FAM107B: variants seen among roughly 807,000 people sequenced by gnomAD.
FAM107B encodes protein FAM107B.
FAM107B carries 21 observed loss-of-function variants against 31.5 expected under a neutral mutation model. The observed-to-expected ratio is 0.67, with a 90% CI of 0.47 to 0.96. The LOEUF is 0.96. Among genes scored for constraint, FAM107B ranks in the 40% least tolerant of loss-of-function variants. The probability of loss-of-function intolerance (pLI) is 0.00; values close to 1 mark genes in which losing one functional copy is unlikely to be tolerated. For missense variants in FAM107B, 452 were observed against 377.1 expected, an observed-to-expected ratio of 1.20 and a Z score of -1.64; for synonymous variants, 157 against 141.5, an observed-to-expected ratio of 1.11 and a Z score of -0.78.
chr10:14,676,957 T>C (rs114006710), intron 1 of FAM107B, among the ~76,000 whole-genome samples: 1 of 151,694 alleles, frequency 6.6e-6, no homozygotes, highest in Admixed American at 6.6e-5. Context: ...AAGCAGAGAG[T>C]CCTGGTCCCC....
At chr10:14,614,791 G>A (rs1265772775) in intron 2 of FAM107B, among the ~76,000 whole-genome samples, 1 of 152,058 alleles carries the variant, frequency 6.6e-6, no homozygotes. Context: ...TTTCAAGCAG[G>A]AGAGGATGTG....
At chr10:14,620,165 C>T (rs1023586539) in intron 2 of FAM107B, among the ~76,000 whole-genome samples, 17 of 151,936 alleles carry the variant, frequency 1.1e-4, no homozygotes, top group Admixed American at 6.6e-5. Flanking sequence ...ACTACAGGCG[C>T]GTGCCACCAT....
At chr10:14,680,828 G>A (rs1854816332) in intron 1 of FAM107B, among the ~76,000 whole-genome samples, 1 of 152,114 alleles carries the variant, frequency 6.6e-6, no homozygotes, top group Non-Finnish European at 1.5e-5. Context: ...GACTTCATTG[G>A]AGCCCAGTGT....
intron 2 of FAM107B, among the ~76,000 whole-genome samples, chr10:14,580,372 A>C (rs1332675080): frequency 6.7e-6 from 1 of 150,186 alleles, no homozygotes; most frequent in African/African-American, 2.5e-5. Context: ...AAAAAAAAGT[A>C]AGTAAGTCAA....
At chr10:14,761,416 T>C (rs975438643) in intron 1 of FAM107B, among the ~76,000 whole-genome samples, 6 of 152,230 alleles carry the variant, frequency 3.9e-5, no homozygotes, top group Non-Finnish European at 5.9e-5. Context: ...ACACACTTTT[T>C]CTCCACATTG....
chr10:14,712,556 T>A (rs112741272), intron 1 of FAM107B, among the ~76,000 whole-genome samples: 4,104 of 150,810 alleles, frequency 0.027, 164 homozygotes, highest in African/African-American at 0.094. Flanking sequence ...ATCGCGTCAC[T>A]GCACTCCAGC....
Position 14,614,795 on chromosome 10 carries a change from G to C in FAM107B, c.469+52839C>G, listed in dbSNP as rs747618781. ...TGAGACCAGGGTTTCAAGCAGGAGA[G>C]GATGTGATGGGCACCTTTGTGAAAC... On this transcript the variant is annotated intron_variant, in intron 2 of 4. Coordinates refer to ENST00000181796, the MANE Select transcript of FAM107B (RefSeq NM_031453.4). Among the ~76,000 whole-genome samples the C allele has an allele frequency of 2.6e-5, 4 of 152,134 alleles. No homozygotes were observed. In the East Asian group the frequency reaches 7.7e-4, roughly 29 times the overall value.
At chr10:14,537,614 C>T (rs1399534323) in intron 2 of FAM107B, among the ~76,000 whole-genome samples, 6 of 151,952 alleles carry the variant, frequency 3.9e-5, no homozygotes, top group African/African-American at 1.2e-4. Flanking sequence ...CCGAGGCGGG[C>T]GGATCATGAG....
In FAM107B at chr10:14,767,087, G is replaced by C. The variant is rs1416880255; in HGVS notation, c.411+7166C>G. On this transcript the variant is annotated intron_variant, in intron 1 of 4. Coordinates refer to ENST00000181796, the MANE Select transcript of FAM107B (RefSeq NM_031453.4). ...AGAGAGAGAGAGAGAGAGAGAGAGA[G>C]AGAGAGAGAGAGACAGAGAGAGAGA... Among the ~76,000 whole-genome samples the C allele has an allele frequency of 6.3e-5, 7 of 111,348 alleles. 1 individual carries two copies. Among genetic ancestry groups the C allele is most frequent in the Admixed American group, 9.7e-5 (1 of 10,300 alleles). The allele number at this position is 111,348 out of a possible 152,430, so 73.0% of individuals were successfully genotyped here.
At chr10:14,719,383 C>T (rs1227832937) in intron 1 of FAM107B, among the ~76,000 whole-genome samples, 1 of 152,166 alleles carries the variant, frequency 6.6e-6, no homozygotes, top group East Asian at 1.9e-4. Context: ...TGTCCTAATA[C>T]AACATAACTA....
intron 2 of FAM107B, among the ~76,000 whole-genome samples, chr10:14,531,666 AC>A (rs1241784533): frequency 1.3e-5 from 2 of 152,016 alleles, no homozygotes; most frequent in Non-Finnish European, 2.9e-5. Context: ...ATATGATGAA[AC>A]CCTGTCTCTA....
At chr10:14,527,273 G>C (rs1017875293) in intron 3 of FAM107B, among the ~76,000 whole-genome samples, 1 of 151,656 alleles carries the variant, frequency 6.6e-6, no homozygotes, top group Middle Eastern at 3.4e-3. Flanking sequence ...GGTTTTAACC[G>C]TCAGACCTAG....
At chr10:14,679,386 C>T (rs1854771786) in intron 1 of FAM107B, among the ~76,000 whole-genome samples, 1 of 152,142 alleles carries the variant, frequency 6.6e-6, no homozygotes, top group Non-Finnish European at 1.5e-5. Flanking sequence ...TTGCCTTGGC[C>T]TCCCAAAGTG....
intron 3 of FAM107B, among the ~76,000 whole-genome samples, chr10:14,526,591 T>G (rs1053909781): frequency 6.6e-6 from 1 of 152,242 alleles, no homozygotes; most frequent in African/African-American, 2.4e-5. Context: ...TTGTATCCTT[T>G]ATCTCTAGAA....
At chr10:14,609,020 C>A (rs373050969) in intron 2 of FAM107B, among the ~76,000 whole-genome samples, 133 of 152,276 alleles carry the variant, frequency 8.7e-4, no homozygotes, top group Middle Eastern at 3.4e-3. Context: ...AAGACAGATA[C>A]AATACATTGG....
chr10:14,521,979 T>C lies in FAM107B; in HGVS notation c.694A>G (p.Met232Val). The change falls in exon 4 of 5, where the codon ATG (methionine) becomes GTG (valine). Residue 232 changes from methionine to valine, a missense_variant. Coordinates refer to ENST00000181796, the MANE Select transcript of FAM107B (RefSeq NM_031453.4). The part of the protein sequence containing the change: ...PQNKPELQKV[M>V]EKRKRDQVIK... Reference sequence around the variant, plus strand: ...ACTTGGTCTCGTTTTCTTTTTTCCATCACCTTCTGCAATTCTGGTTTGTTC... The same window carrying C: ...ACTTGGTCTCGTTTTCTTTTTTCCACCACCTTCTGCAATTCTGGTTTGTTC... 6.2e-7 allele frequency: 1 copy of C among 1,614,152 alleles called. No homozygotes were observed. Among genetic ancestry groups the C allele is most frequent in the Non-Finnish European group, 8.5e-7 (1 of 1,180,018 alleles).
At chr10:14,632,408 G>A (rs1294622675) in intron 2 of FAM107B, among the ~76,000 whole-genome samples, 1 of 150,392 alleles carries the variant, frequency 6.6e-6, no homozygotes, top group Non-Finnish European at 1.5e-5. Flanking sequence ...TCAGGAGATC[G>A]AGACCATCCT....
At chr10:14,699,030 T>C (rs1209566104) in intron 1 of FAM107B, among the ~76,000 whole-genome samples, 2 of 150,496 alleles carry the variant, frequency 1.3e-5, no homozygotes, top group Non-Finnish European at 3.0e-5. Context: ...GCATGGAGAG[T>C]GGGTACCCTG....
chr10:14,707,671 G>C (rs1855552956), intron 1 of FAM107B, among the ~76,000 whole-genome samples: 3 of 152,190 alleles, frequency 2.0e-5, no homozygotes, highest in Admixed American at 2.0e-4. Context: ...GGAGCCACAT[G>C]GCTGCCTTCA....
Sources: allele counts gnomAD v4.1 joint callset (sites outside exome capture counted in the v4.1 genomes callset), GRCh38; gene constraint gnomAD v4.1.1; transcripts MANE v1.5; gene names NCBI Gene and HGNC (gene_info 2026-07-23, HGNC 2026-07-21).